SSBP3: variants seen among roughly 807,000 people sequenced by gnomAD.
SSBP3 encodes single-stranded DNA-binding protein 3.
In SSBP3, 5 loss-of-function variants were observed where a neutral mutation model predicts 69.6. The ratio of observed to expected loss-of-function variants is 0.07; its 90% CI spans 0.04 to 0.15. SSBP3 has a LOEUF of 0.15. Among genes scored for constraint, SSBP3 ranks in the 10% least tolerant of loss-of-function variants. The pLI is 1.00. For missense variants in SSBP3, 312 were observed against 534.0 expected, an observed-to-expected ratio of 0.58 and a Z score of 4.10; for synonymous variants, 196 against 193.4, an observed-to-expected ratio of 1.01 and a Z score of -0.11.
At chr1:54,281,328 T>C (rs1645387533) in intron 5 of SSBP3, 110 bp downstream of exon 5, 2 of 838,684 alleles carry the variant, frequency 2.4e-6, no homozygotes, top group Non-Finnish European at 3.7e-6. Flanking sequence ...AGCAACTGTA[T>C]TTAGACCATG....
At chr1:54,278,799 G>C (rs1198789756) in intron 5 of SSBP3, among the ~76,000 whole-genome samples, 1 of 152,266 alleles carries the variant, frequency 6.6e-6, no homozygotes, top group Non-Finnish European at 1.5e-5. Flanking sequence ...GCCAAGCAGG[G>C]GAAGGAGTGC....
chr1:54,358,669 A>G (rs538130310), intron 4 of SSBP3, among the ~76,000 whole-genome samples: 87 of 152,328 alleles, frequency 5.7e-4, no homozygotes, highest in African/African-American at 2.0e-3. Context: ...CTGGGAGACC[A>G]GTACCATCCT....
chr1:54,395,867 C>T (rs213481), intron 4 of SSBP3, among the ~76,000 whole-genome samples: 92,200 of 151,824 alleles, frequency 0.61, 30,305 homozygotes, highest in African/African-American at 0.86. Flanking sequence ...GACACAAACA[C>T]TGCTAAAACT....
intron 4 of SSBP3, among the ~76,000 whole-genome samples, chr1:54,377,321 C>T (rs912786397): frequency 2.0e-5 from 3 of 152,260 alleles, no homozygotes; most frequent in African/African-American, 7.2e-5. Context: ...CTCCGTAAAC[C>T]CGAAGGGCAG....
intron 4 of SSBP3, among the ~76,000 whole-genome samples, chr1:54,400,952 A>C (rs1649247218): frequency 6.6e-6 from 1 of 152,220 alleles, no homozygotes; most frequent in African/African-American, 2.4e-5. Context: ...CACTGCACAC[A>C]GAAGAGCAAG....
At chr1:54,262,643 T>C (rs1381504323) in intron 5 of SSBP3, among the ~76,000 whole-genome samples, 1 of 152,020 alleles carries the variant, frequency 6.6e-6, no homozygotes, top group African/African-American at 2.4e-5. Context: ...CAAGAGAGGG[T>C]GATGCCTACC....
intron 4 of SSBP3, among the ~76,000 whole-genome samples, chr1:54,388,452 T>C (rs1648245048): frequency 6.6e-6 from 1 of 152,232 alleles, no homozygotes; most frequent in Non-Finnish European, 1.5e-5. Flanking sequence ...CTGGGGTAAA[T>C]GCAGTAAATG....
At chr1:54,238,997 C>A in intron 14 of SSBP3, 132 bp downstream of exon 14, 1 of 620,636 alleles carries the variant, frequency 1.6e-6, no homozygotes, top group South Asian at 1.7e-5. Flanking sequence ...AATCACTTTT[C>A]TGACGGTTTA....
At chr1:54,274,682 G>A (rs913173931) in intron 5 of SSBP3, among the ~76,000 whole-genome samples, 1 of 152,172 alleles carries the variant, frequency 6.6e-6, no homozygotes, top group Non-Finnish European at 1.5e-5. Flanking sequence ...CCTCCAGAGG[G>A]GACCGCAGCT....
At chr1:54,296,991 GA>G (rs1340080167) in intron 4 of SSBP3, among the ~76,000 whole-genome samples, 1 of 152,180 alleles carries the variant, frequency 6.6e-6, no homozygotes, top group Admixed American at 6.5e-5. Context: ...TGAGGTGAGT[GA>G]ATCCACTCAT....
At position 54,253,207 on chromosome 1, in the gene SSBP3, T is replaced by A. The variant is rs1436565980; in HGVS notation, c.508-1347A>T. Among the ~76,000 whole-genome samples, 7 of 150,010 alleles carry A rather than the reference T, an allele frequency of 4.7e-5. No homozygotes were observed. The South Asian group carries it at 1.1e-3, about 23-fold the overall frequency. On this transcript the variant is annotated intron_variant, in intron 7 of 17. Transcript: ENST00000610401. ...TTTAGTTTTTGTTTTTTTTTTTTTT[T>A]AAGACAGGGTCGCTTGCTCTGTTGC...
chr1:54,282,642 C>T (rs1038896746), intron 4 of SSBP3, among the ~76,000 whole-genome samples: 2 of 152,144 alleles, frequency 1.3e-5, no homozygotes, highest in Admixed American at 6.5e-5. Flanking sequence ...ACAGGCGGGG[C>T]GGGGCGAGGC....
At chr1:54,411,689 G>A (rs1441266861) in intron 1 of SSBP3, among the ~76,000 whole-genome samples, 2 of 151,824 alleles carry the variant, frequency 1.3e-5, no homozygotes, top group Admixed American at 6.6e-5. Flanking sequence ...TCAGGAAATC[G>A]AGACCATCCT....
chr1:54,409,816 C>T (rs963858240), upstream of SSBP3, among the ~76,000 whole-genome samples: 5 of 152,240 alleles, frequency 3.3e-5, no homozygotes, highest in East Asian at 1.9e-4. Context: ...ATATACCATA[C>T]GCTGTTCTAG....
At chr1:54,368,633 C>T (rs1258297433) in intron 4 of SSBP3, among the ~76,000 whole-genome samples, 1 of 152,176 alleles carries the variant, frequency 6.6e-6, no homozygotes, top group African/African-American at 2.4e-5. Context: ...CTTCTGAGAT[C>T]TGCAATGCAC....
intron 4 of SSBP3, among the ~76,000 whole-genome samples, chr1:54,353,196 GTTTGT>G (rs1299673756): frequency 6.6e-6 from 1 of 152,160 alleles, no homozygotes; most frequent in Non-Finnish European, 1.5e-5. Flanking sequence ...GGATACACAA[GTTTGT>G]TTTATTTATT....
chr1:54,353,035 G>A (rs568493990), intron 4 of SSBP3, among the ~76,000 whole-genome samples: 5 of 152,222 alleles, frequency 3.3e-5, no homozygotes, highest in East Asian at 1.9e-4. Context: ...CGGCCCGACC[G>A]GACAGCGCCG....
chr1:54,334,110 T>C (rs1266472792), intron 4 of SSBP3, among the ~76,000 whole-genome samples: 1 of 151,664 alleles, frequency 6.6e-6, no homozygotes, highest in Non-Finnish European at 1.5e-5. Flanking sequence ...TCCCAGCACT[T>C]TGGGAGGCCG....
intron 4 of SSBP3, among the ~76,000 whole-genome samples, chr1:54,308,011 C>G: frequency 6.6e-6 from 1 of 152,128 alleles, no homozygotes; most frequent in Non-Finnish European, 1.5e-5. Context: ...CTTTCTTGTG[C>G]GAGATCCAAG....
Sources: gnomAD v4.1 joint callset for allele counts (sites outside exome capture counted in the v4.1 genomes callset) on GRCh38, gnomAD v4.1.1 for gene constraint, MANE v1.5 for transcripts, NCBI Gene and HGNC (gene_info 2026-07-23, HGNC 2026-07-21) for gene names.